UGT1A6: variants seen among roughly 807,000 people sequenced by gnomAD.
The protein encoded by UGT1A6 is UDP-glucuronosyltransferase 1A6.
A neutral mutation model predicts 44.4 loss-of-function variants in UGT1A6; 32 were observed. The ratio of observed to expected loss-of-function variants is 0.72; its 90% CI spans 0.54 to 0.97. The LOEUF (loss-of-function observed/expected upper bound fraction) is 0.97, where lower values mean the gene tolerates loss of function less well. Ranked by LOEUF, UGT1A6 falls within the 50% of genes least tolerant of loss-of-function variation. UGT1A6 has a pLI of 0.00. For synonymous variants in UGT1A6, 238 were observed against 248.5 expected (o/e 0.96, Z 0.40); for missense variants, 685 against 661.9 (o/e 1.03, Z -0.38).
chr2:233,755,452 CTGGCCCTGCTCTCTGTGAGGCTCTGTG>C (rs1695924346), intron 1 of UGT1A6: 1 of 306,254 alleles, frequency 3.3e-6, no homozygotes, highest in Admixed American at 4.3e-5. Flanking sequence ...GCTCCTGGGA[CTGGCCCTGCTCTCTGTGAGGCTCTGTG>C]AGGCCCTGTG....
intron 1 of UGT1A6, among the ~76,000 whole-genome samples, chr2:233,725,221 A>G: frequency 1.1e-5 from 1 of 87,460 alleles, no homozygotes; most frequent in African/African-American, 8.3e-5. Context: ...GAGGCAGAGG[A>G]GGCAGAGGCA....
At chr2:233,747,724 T>G in intron 1 of UGT1A6, 1 of 1,613,440 alleles carries the variant, frequency 6.2e-7, no homozygotes, top group Admixed American at 1.7e-5. Flanking sequence ...CCTGCTGTGT[T>G]TTTTTTGAGG....
chr2:233,742,671 T>C (rs1692065704), intron 1 of UGT1A6: 1 of 152,224 alleles, frequency 6.6e-6, no homozygotes, highest in South Asian at 2.1e-4. Context: ...CCCCAAGGTT[T>C]GTCCTCAGCC....
At chr2:233,703,771 TA>T (rs1575476815) in intron 1 of UGT1A6, among the ~76,000 whole-genome samples, 2 of 151,768 alleles carry the variant, frequency 1.3e-5, no homozygotes, top group African/African-American at 2.4e-5. Context: ...GCAGACAAGA[TA>T]TTATTAGTCC....
intron 1 of UGT1A6, among the ~76,000 whole-genome samples, chr2:233,724,489 G>GGTT (rs2077269335): frequency 1.4e-5 from 1 of 73,260 alleles, no homozygotes; most frequent in Non-Finnish European, 2.9e-5. Context: ...CAGACGGGGC[G>GGTT]GCCGGGCAGA....
At chr2:233,718,697 C>G in intron 1 of UGT1A6, 1 of 1,595,942 alleles carries the variant, frequency 6.3e-7, no homozygotes, top group Non-Finnish European at 8.5e-7. Flanking sequence ...GAGGAGGGCA[C>G]TTTGTCTTCC....
intron 1 of UGT1A6, among the ~76,000 whole-genome samples, chr2:233,710,240 A>G (rs2076121731): frequency 6.6e-6 from 1 of 152,210 alleles, no homozygotes; most frequent in Non-Finnish European, 1.5e-5. Context: ...CTATTCGAGT[A>G]CGAGTGTTTC....
At chr2:233,702,292 G>A (rs1184816211) in intron 1 of UGT1A6, among the ~76,000 whole-genome samples, 1 of 152,066 alleles carries the variant, frequency 6.6e-6, no homozygotes, top group Admixed American at 6.5e-5. Flanking sequence ...AGCATAAAGA[G>A]TTTTGTATAT....
chr2:233,771,764 G>GTCCCTCTCTCCT (rs1188840663), intron 4 of UGT1A6: 1 of 152,544 alleles, frequency 6.6e-6, no homozygotes, highest in East Asian at 1.9e-4. Context: ...TCCTTCCTCC[G>GTCCCTCTCTCCT]TCCCTCTCTC....
intron 1 of UGT1A6, chr2:233,743,217 C>G: frequency 2.4e-6 from 1 of 409,784 alleles, no homozygotes; most frequent in Non-Finnish European, 4.8e-6. Context: ...AGTAACTGCT[C>G]TTTGCTATTT....
In UGT1A6 at chr2:233,710,708, G is replaced by A. The variant is rs114746261; in HGVS notation, c.861+16843G>A. Among the ~76,000 whole-genome samples, 1,495 of 152,198 alleles carry A rather than the reference G, an allele frequency of 9.8e-3. 22 individuals carry two copies. Among genetic ancestry groups the A allele is most frequent in the African/African-American group, 0.034 (1,426 of 41,536 alleles). Reference sequence around the variant, plus strand: ...TTACTTCTGGTGTGTGGTGTCCTTTGTTTCATTTTTTAAAAAACAACGTCT... The same window carrying A: ...TTACTTCTGGTGTGTGGTGTCCTTTATTTCATTTTTTAAAAAACAACGTCT... On this transcript the variant is annotated intron_variant, in intron 1 of 4. Transcript: ENST00000305139.
rs376887521 is a variant in UGT1A6 at position 233,757,535 on chromosome 2, A to AATATATATACATATACATATATATATAT, written c.862-9490_862-9489insCATATACATATATATATATATATATATA. ...CAAAGCCAAAATCTTGCCTGTAAGG[A>AATATATATACATATACATATATATATAT]ATATATATATATATATATATATATA... On this transcript the variant is annotated intron_variant, in intron 1 of 4. Transcript: ENST00000305139. 4.4e-3 allele frequency among the ~76,000 whole-genome samples: 377 copies of AATATATATACATATACATATATATATAT among 85,820 alleles called. 6 individuals carry two copies. The highest frequency in any genetic ancestry group is 5.9e-3 in the Middle Eastern group (1 of 170). The allele number at this position is 85,820 out of a possible 152,430, so 56.3% of individuals were successfully genotyped here. A position where few individuals can be genotyped will look rare whatever the true frequency, so the allele number is the denominator to read the frequency against.
At chr2:233,703,770 A>T (rs919739679) in intron 1 of UGT1A6, among the ~76,000 whole-genome samples, 14 of 151,732 alleles carry the variant, frequency 9.2e-5, no homozygotes, top group African/African-American at 3.1e-4. Flanking sequence ...TGCAGACAAG[A>T]TATTATTAGT....
intron 4 of UGT1A6, among the ~76,000 whole-genome samples, chr2:233,768,709 T>G (rs1699703660): frequency 6.6e-6 from 1 of 151,010 alleles, no homozygotes; most frequent in African/African-American, 2.4e-5. Context: ...TCAGCCTCCG[T>G]GTAGCTGGGA....
chr2:233,729,981 G>A (rs747249815), intron 1 of UGT1A6: 1 of 1,614,052 alleles, frequency 6.2e-7, no homozygotes, highest in Non-Finnish European at 8.5e-7. Flanking sequence ...CCAACAGGAA[G>A]CCACTATCTC....
At chr2:233,711,526 C>T (rs1484293878) in intron 1 of UGT1A6, among the ~76,000 whole-genome samples, 1 of 152,234 alleles carries the variant, frequency 6.6e-6, no homozygotes, top group Non-Finnish European at 1.5e-5. Flanking sequence ...GTCCTCACAA[C>T]TCCCCGGGAA....
chr2:233,708,091 G>A (rs778957323), intron 1 of UGT1A6, among the ~76,000 whole-genome samples: 2 of 152,112 alleles, frequency 1.3e-5, no homozygotes, highest in Non-Finnish European at 2.9e-5. Context: ...TTATTCAAAC[G>A]AATTAGAATA....
At chr2:233,748,791 G>A (rs576937034) in intron 1 of UGT1A6, among the ~76,000 whole-genome samples, 1 of 151,524 alleles carries the variant, frequency 6.6e-6, no homozygotes, top group Admixed American at 6.6e-5. Flanking sequence ...TACTTGGAAT[G>A]CTGAAATTAT....
chr2:233,754,768 C>T, intron 1 of UGT1A6: 1 of 1,017,180 alleles, frequency 9.8e-7, no homozygotes, highest in Non-Finnish European at 1.4e-6. Context: ...CCCCCACTTC[C>T]CAGGGAGCCA....
Sources: gnomAD v4.1 joint callset for allele counts (sites outside exome capture counted in the v4.1 genomes callset) on GRCh38, gnomAD v4.1.1 for gene constraint, MANE v1.5 for transcripts, NCBI Gene and HGNC (gene_info 2026-07-23, HGNC 2026-07-21) for gene names.